PLCXD3: variants seen among roughly 807,000 people sequenced by gnomAD.
PLCXD3 encodes the protein PI-PLC X domain-containing protein 3.
Under a neutral mutation model 25.5 loss-of-function variants are expected in PLCXD3, and 19 were observed. The ratio of observed to expected loss-of-function variants is 0.75; its 90% confidence interval spans 0.52 to 1.09. The LOEUF is 1.09. Among genes scored for constraint, PLCXD3 ranks in the 50% least tolerant of loss-of-function variants. The pLI, the probability that PLCXD3 is intolerant of heterozygous loss-of-function variation, is 0.00. For missense variants in PLCXD3, 411 were observed against 388.1 expected, an observed-to-expected ratio of 1.06 and a Z score of -0.50; for synonymous variants, 174 against 137.6, an observed-to-expected ratio of 1.26 and a Z score of -1.85.
intron 1 of PLCXD3, among the ~76,000 whole-genome samples, chr5:41,465,441 T>C (rs1747997446): frequency 6.8e-6 from 1 of 145,992 alleles, no homozygotes; most frequent in African/African-American, 2.5e-5. Flanking sequence ...TAACAATAAT[T>C]GTGTGTTAAT....
At chr5:41,453,041 C>A in intron 1 of PLCXD3, among the ~76,000 whole-genome samples, 1 of 151,912 alleles carries the variant, frequency 6.6e-6, no homozygotes, top group Non-Finnish European at 1.5e-5. Context: ...ACCCTCAGCA[C>A]TTTTCAAGTA....
At chr5:41,338,588 A>G (rs1378567966) in intron 2 of PLCXD3, among the ~76,000 whole-genome samples, 2 of 151,934 alleles carry the variant, frequency 1.3e-5, no homozygotes, top group Non-Finnish European at 2.9e-5. Flanking sequence ...ACTCTAACAT[A>G]TGTTTTAGGG....
intron 1 of PLCXD3, among the ~76,000 whole-genome samples, chr5:41,446,074 G>A (rs1747489405): frequency 6.7e-6 from 1 of 149,370 alleles, no homozygotes; most frequent in Non-Finnish European, 1.5e-5. Flanking sequence ...TGTAGTCCCA[G>A]CTTCTTGGGA....
At chr5:41,428,383 T>TG (rs1416821708) in intron 1 of PLCXD3, among the ~76,000 whole-genome samples, 59 of 63,148 alleles carry the variant, frequency 9.3e-4, no homozygotes, top group African/African-American at 7.8e-3. Flanking sequence ...AGTTTTTTTG[T>TG]TTTTGTTTTT....
chr5:41,427,037 A>G (rs1221719673), intron 1 of PLCXD3, among the ~76,000 whole-genome samples: 1 of 152,110 alleles, frequency 6.6e-6, no homozygotes, highest in Non-Finnish European at 1.5e-5. Context: ...TCTTGTTGCT[A>G]TTAAGACTTT....
chr5:41,336,681 C>T (rs984619726), intron 2 of PLCXD3, among the ~76,000 whole-genome samples: 5 of 152,118 alleles, frequency 3.3e-5, no homozygotes, highest in African/African-American at 9.7e-5. Context: ...AAAGCCACCT[C>T]ACTCAATGCC....
chr5:41,345,224 A>G (rs1178687660), intron 2 of PLCXD3, among the ~76,000 whole-genome samples: 1 of 152,224 alleles, frequency 6.6e-6, no homozygotes, highest in Non-Finnish European at 1.5e-5. Flanking sequence ...GTCTTTGGCT[A>G]AATCTAACCA....
At chr5:41,386,507 C>T (rs1745640422) in intron 1 of PLCXD3, among the ~76,000 whole-genome samples, 1 of 152,112 alleles carries the variant, frequency 6.6e-6, no homozygotes, top group South Asian at 2.1e-4. Context: ...TATAATCCCT[C>T]CGCTTGAGTT....
chr5:41,453,558 T>C (rs1747685802), intron 1 of PLCXD3, among the ~76,000 whole-genome samples: 1 of 152,002 alleles, frequency 6.6e-6, no homozygotes, highest in African/African-American at 2.4e-5. Flanking sequence ...TATTCACCTT[T>C]CTTAATATCT....
rs564038687 is a variant in PLCXD3 at position 41,432,198 on chromosome 5, C to A, written c.104-49664G>T. Among the ~76,000 whole-genome samples the A allele has an allele frequency of 6.6e-5, 10 of 152,294 alleles. No individual in the cohort carries two copies. In the East Asian group the frequency reaches 1.9e-3, roughly 29 times the overall value. On this transcript the variant is annotated intron_variant, in intron 1 of 2. Coordinates refer to ENST00000377801, the MANE Select transcript of PLCXD3 (RefSeq NM_001005473.3). ...AGGATAAATTACGACTTAAAGAAGC[C>A]TCCCATCTTGAATAATATTACTGTC... is the stretch of plus-strand genomic sequence containing the variant.
At chr5:41,425,959 G>A (rs1050989739) in intron 1 of PLCXD3, among the ~76,000 whole-genome samples, 1 of 152,152 alleles carries the variant, frequency 6.6e-6, no homozygotes, top group Non-Finnish European at 1.5e-5. Flanking sequence ...CAATATCTTT[G>A]GGTAAATGCC....
At chr5:41,346,518 C>T (rs960116470) in intron 2 of PLCXD3, among the ~76,000 whole-genome samples, 8 of 152,100 alleles carry the variant, frequency 5.3e-5, no homozygotes, top group Admixed American at 5.2e-4. Flanking sequence ...AACCTTACAA[C>T]TGATCTTTCG....
At chr5:41,501,246 T>C (rs1396125548) in intron 1 of PLCXD3, among the ~76,000 whole-genome samples, 1 of 151,988 alleles carries the variant, frequency 6.6e-6, no homozygotes, top group Admixed American at 6.6e-5. Context: ...TGAATCGAGA[T>C]CTCTATTCTC....
intron 2 of PLCXD3, among the ~76,000 whole-genome samples, chr5:41,358,887 T>A (rs762338453): frequency 6.6e-6 from 1 of 152,196 alleles, no homozygotes; most frequent in Non-Finnish European, 1.5e-5. Flanking sequence ...CTAAGGTATA[T>A]CCCTTGTATG....
At chr5:41,357,705 G>A (rs1365560948) in intron 2 of PLCXD3, among the ~76,000 whole-genome samples, 4 of 152,106 alleles carry the variant, frequency 2.6e-5, no homozygotes, top group Non-Finnish European at 5.9e-5. Context: ...TCTGATTACA[G>A]AATCGCTACA....
At chr5:41,443,857 T>C (rs191646448) in intron 1 of PLCXD3, among the ~76,000 whole-genome samples, 1 of 152,334 alleles carries the variant, frequency 6.6e-6, no homozygotes, top group African/African-American at 2.4e-5. Flanking sequence ...AGCAAATTGG[T>C]CTGAGATTCT....
chr5:41,354,809 A>G (rs1371430358), intron 2 of PLCXD3, among the ~76,000 whole-genome samples: 1 of 152,158 alleles, frequency 6.6e-6, no homozygotes, highest in East Asian at 1.9e-4. Flanking sequence ...TCCCTGCATA[A>G]AATTCTTCAA....
intron 1 of PLCXD3, among the ~76,000 whole-genome samples, chr5:41,447,916 A>G (rs1747540713): frequency 6.6e-6 from 1 of 152,216 alleles, no homozygotes; most frequent in African/African-American, 2.4e-5. Flanking sequence ...AATTAAATTC[A>G]GATTTAGAAG....
intron 2 of PLCXD3, among the ~76,000 whole-genome samples, chr5:41,365,122 C>T (rs992721264): frequency 8.5e-5 from 13 of 152,180 alleles, no homozygotes; most frequent in African/African-American, 2.9e-4. Context: ...GGAACTCTCA[C>T]TTGTTAGCCT....
Sources: allele counts gnomAD v4.1 joint callset (sites outside exome capture counted in the v4.1 genomes callset), GRCh38; gene constraint gnomAD v4.1.1; transcripts MANE v1.5; gene names NCBI Gene and HGNC (gene_info 2026-07-23, HGNC 2026-07-21).